The following TMEM132D variants were observed in gnomAD, a reference collection of about 807,000 sequenced individuals.
TMEM132D encodes the protein transmembrane protein 132D, also known as mature OL transmembrane protein.
Under a neutral mutation model 62.3 loss-of-function variants are expected in TMEM132D, and 21 were observed. The ratio of observed to expected loss-of-function variants is 0.34; its 90% CI spans 0.24 to 0.49. The LOEUF (loss-of-function observed/expected upper bound fraction) is 0.49. Among genes scored for constraint, TMEM132D ranks in the 20% least tolerant of loss-of-function variants. The pLI is 0.99. For missense variants in TMEM132D, 1,346 were observed against 1,402.8 expected, an observed-to-expected ratio of 0.96 and a Z score of 0.65; for synonymous variants, 621 against 575.6, an observed-to-expected ratio of 1.08 and a Z score of -1.13.
chr12:129,560,081 T>C (rs1480057603), intron 2 of TMEM132D, among the ~76,000 whole-genome samples: 1 of 152,174 alleles, frequency 6.6e-6, no homozygotes, highest in African/African-American at 2.4e-5. Context: ...GACAGCTCTA[T>C]GGGCAACCAC....
At chr12:129,591,969 T>C (rs927051446) in intron 2 of TMEM132D, among the ~76,000 whole-genome samples, 1 of 152,184 alleles carries the variant, frequency 6.6e-6, no homozygotes, top group Non-Finnish European at 1.5e-5. Flanking sequence ...TATTGAGTTA[T>C]TAACCTAAAG....
At chr12:129,685,332 C>A (rs892539740) in intron 2 of TMEM132D, among the ~76,000 whole-genome samples, 1 of 152,322 alleles carries the variant, frequency 6.6e-6, no homozygotes, top group Non-Finnish European at 1.5e-5. Context: ...GGAATTGGTA[C>A]ACTGCATTCC....
intron 3 of TMEM132D, among the ~76,000 whole-genome samples, chr12:129,517,580 G>A (rs1456108157): frequency 6.6e-6 from 1 of 152,100 alleles, no homozygotes; most frequent in African/African-American, 2.4e-5. Flanking sequence ...GAGTGGGGTG[G>A]ACCCATGGGA....
intron 1 of TMEM132D, chr12:129,853,887 C>G (rs1873627109): frequency 1.3e-5 from 2 of 152,204 alleles, no homozygotes; most frequent in Non-Finnish European, 2.9e-5. Flanking sequence ...CTCCATCCCC[C>G]CACAGGCAAC....
chr12:129,353,567 G>A (rs1048859163), intron 3 of TMEM132D, among the ~76,000 whole-genome samples: 1 of 152,084 alleles, frequency 6.6e-6, no homozygotes, highest in Non-Finnish European at 1.5e-5. Flanking sequence ...CATGGAGAAG[G>A]CAGCATTGCA....
intron 2 of TMEM132D, among the ~76,000 whole-genome samples, chr12:129,692,849 G>A (rs1209940643): frequency 6.6e-6 from 1 of 152,004 alleles, no homozygotes; most frequent in Non-Finnish European, 1.5e-5. Context: ...GCCTGTCGGG[G>A]GAGGGCAGTG....
At chr12:129,809,784 A>T (rs1043554344) in intron 1 of TMEM132D, among the ~76,000 whole-genome samples, 1 of 152,194 alleles carries the variant, frequency 6.6e-6, no homozygotes, top group Non-Finnish European at 1.5e-5. Context: ...AATATACATG[A>T]TGAAAAGTAG....
At chr12:129,788,242 A>G (rs1871296462) in intron 1 of TMEM132D, among the ~76,000 whole-genome samples, 1 of 152,220 alleles carries the variant, frequency 6.6e-6, no homozygotes, top group Non-Finnish European at 1.5e-5. Flanking sequence ...AAGGTAGCCT[A>G]TGAGAGCTCT....
chr12:129,632,955 G>C (rs1033940384), intron 2 of TMEM132D, among the ~76,000 whole-genome samples: 5 of 152,170 alleles, frequency 3.3e-5, no homozygotes, highest in Non-Finnish European at 7.3e-5. Flanking sequence ...CCCCTAAGTA[G>C]ACAACAAGTT....
intron 8 of TMEM132D, among the ~76,000 whole-genome samples, chr12:129,076,352 T>A (rs887393504): frequency 2.6e-5 from 4 of 152,182 alleles, no homozygotes; most frequent in African/African-American, 9.7e-5. Flanking sequence ...TTCTGTGAGA[T>A]CCCTATAATC....
intron 3 of TMEM132D, among the ~76,000 whole-genome samples, chr12:129,376,132 T>C (rs1009932908): frequency 6.6e-6 from 1 of 152,082 alleles, no homozygotes; most frequent in Non-Finnish European, 1.5e-5. Flanking sequence ...GCTATAACTT[T>C]TCAGGGGGAA....
chr12:129,548,679 GC>G (rs1876806261), intron 2 of TMEM132D, among the ~76,000 whole-genome samples: 1 of 151,164 alleles, frequency 6.6e-6, no homozygotes, highest in South Asian at 2.1e-4. Flanking sequence ...TGCCTCTTCG[GC>G]TCACACTTCA....
At chr12:129,525,228 T>G (rs1234640275) in intron 3 of TMEM132D, among the ~76,000 whole-genome samples, 14,446 of 43,700 alleles carry the variant, frequency 0.33, 4,157 homozygotes, top group African/African-American at 0.44. Flanking sequence ...CCCAGCCGGT[T>G]TTTTTTTTTT....
chr12:129,260,828 CT>C (rs1164573686), intron 4 of TMEM132D, among the ~76,000 whole-genome samples: 6 of 152,154 alleles, frequency 3.9e-5, no homozygotes, highest in South Asian at 4.1e-4. Flanking sequence ...ATCTAAGTTG[CT>C]GGAAAAGACA....
chr12:129,152,006 T>C (rs1477977337), intron 5 of TMEM132D, among the ~76,000 whole-genome samples: 1 of 151,888 alleles, frequency 6.6e-6, no homozygotes, highest in East Asian at 1.9e-4. Context: ...GCCTCCCAAG[T>C]AGCTGGGACT....
At chr12:129,562,367 G>A (rs775419610) in intron 2 of TMEM132D, among the ~76,000 whole-genome samples, 4 of 152,132 alleles carry the variant, frequency 2.6e-5, no homozygotes, top group East Asian at 1.9e-4. Flanking sequence ...CAGCTCGAAC[G>A]CCATTCCCTA....
chr12:129,887,746 T>C (rs145505486), intron 1 of TMEM132D, among the ~76,000 whole-genome samples: 26 of 152,362 alleles, frequency 1.7e-4, no homozygotes, highest in African/African-American at 6.3e-4. Context: ...CTTTCCAAAG[T>C]TTAAATATCA....
chr12:129,649,413 C>T (rs1251636549), intron 2 of TMEM132D, among the ~76,000 whole-genome samples: 1 of 152,124 alleles, frequency 6.6e-6, no homozygotes, highest in Non-Finnish European at 1.5e-5. Context: ...GAAAGCACCC[C>T]CACACAGGGT....
At chr12:129,606,650 C>A (rs552478023) in intron 2 of TMEM132D, among the ~76,000 whole-genome samples, 1 of 152,234 alleles carries the variant, frequency 6.6e-6, no homozygotes, top group East Asian at 1.9e-4. Context: ...TTAGAAGCAA[C>A]TTTTGGGAAG....
Sources: gnomAD v4.1 joint callset for allele counts (sites outside exome capture counted in the v4.1 genomes callset) on GRCh38, gnomAD v4.1.1 for gene constraint, MANE v1.5 for transcripts, NCBI Gene and HGNC (gene_info 2026-07-23, HGNC 2026-07-21) for gene names.